INTS6: variants seen among roughly 807,000 people sequenced by gnomAD.
The protein encoded by INTS6 is DEAD box protein.
In INTS6, 16 loss-of-function variants were observed where a neutral mutation model predicts 104.9. The observed-to-expected ratio is 0.15, with a 90% CI of 0.10 to 0.23. The LOEUF (loss-of-function observed/expected upper bound fraction) is 0.23, where lower values mean the gene tolerates loss of function less well. Among genes scored for constraint, INTS6 ranks in the 10% least tolerant of loss-of-function variants. The pLI is 1.00. For synonymous variants in INTS6, 324 were observed against 358.7 expected (o/e 0.90, Z 1.09); for missense variants, 584 against 1,062.8 (o/e 0.55, Z 6.26).
downstream of INTS6, among the ~76,000 whole-genome samples, chr13:51,360,046 C>T (rs1162013111): frequency 6.6e-6 from 1 of 152,076 alleles, no homozygotes; most frequent in Non-Finnish European, 1.5e-5. Context: ...ATAGCCAACT[C>T]CCAACATCCT....
chr13:51,402,966 A>C (rs560748525), intron 4 of INTS6, among the ~76,000 whole-genome samples: 1 of 152,324 alleles, frequency 6.6e-6, no homozygotes, highest in African/African-American at 2.4e-5. Flanking sequence ...ACCTACCATA[A>C]ACACAGCACG....
At chr13:51,374,940 C>A in intron 13 of INTS6, 144 bp from the exon 14 acceptor site, 1 of 759,604 alleles carries the variant, frequency 1.3e-6, no homozygotes, top group Non-Finnish European at 2.0e-6. Flanking sequence ...GCAATTATAA[C>A]CACTGCGACA....
At chr13:51,359,394 T>C (rs1955527634), downstream of INTS6, among the ~76,000 whole-genome samples, 1 of 152,136 alleles carries the variant, frequency 6.6e-6, no homozygotes, top group East Asian at 1.9e-4. Flanking sequence ...AGATAAAATT[T>C]AAAAGATGCT....
chr13:51,451,004 C>T (rs781742097), intron 3 of INTS6, 21 bp downstream of exon 3: 31 of 1,474,916 alleles, frequency 2.1e-5, no homozygotes, highest in Non-Finnish European at 2.8e-5. Flanking sequence ...AACTATTTTG[C>T]CACCTTATTA....
chr13:51,379,874 C>A (rs542320018), intron 10 of INTS6, among the ~76,000 whole-genome samples: 1 of 152,166 alleles, frequency 6.6e-6, no homozygotes, highest in East Asian at 1.9e-4. Flanking sequence ...AAGACACATT[C>A]TAGAGGTAGC....
intron 4 of INTS6, among the ~76,000 whole-genome samples, chr13:51,405,630 T>A (rs1956547532): frequency 6.6e-6 from 1 of 152,078 alleles, no homozygotes; most frequent in African/African-American, 2.4e-5. Flanking sequence ...GTATTCAGAG[T>A]CTAAGTCTTA....
At chr13:51,436,323 T>TA (rs1261754912) in intron 3 of INTS6, 1 of 152,152 alleles carries the variant, frequency 6.6e-6, no homozygotes, top group African/African-American at 2.4e-5. Context: ...AAAAATCTGG[T>TA]AACAGAATAC....
chr13:51,423,535 G>A (rs1361380190), intron 4 of INTS6, among the ~76,000 whole-genome samples: 2 of 152,036 alleles, frequency 1.3e-5, no homozygotes, highest in Admixed American at 6.6e-5. Flanking sequence ...TCTAAGGAGA[G>A]TCCTCAATAT....
chr13:51,350,094 T>C (rs1955390056), downstream of INTS6, among the ~76,000 whole-genome samples: 1 of 152,192 alleles, frequency 6.6e-6, no homozygotes, highest in East Asian at 1.9e-4. Flanking sequence ...TCTTTTAGTA[T>C]GACTTGCTCT....
the INTS6 span, among the ~76,000 whole-genome samples, chr13:51,345,824 A>G: frequency 6.6e-6 from 1 of 152,230 alleles, no homozygotes; most frequent in African/African-American, 2.4e-5. Context: ...AGGCCAGAGA[A>G]GCAGCTCCCA....
At chr13:51,379,254 AATT>A (rs1222110925) in intron 11 of INTS6, among the ~76,000 whole-genome samples, 3 of 151,948 alleles carry the variant, frequency 2.0e-5, no homozygotes, top group Non-Finnish European at 2.9e-5. Flanking sequence ...ATAAATTAGG[AATT>A]ATTATATAAT....
At chr13:51,446,225 A>G (rs949598048) in intron 3 of INTS6, 1 of 152,232 alleles carries the variant, frequency 6.6e-6, no homozygotes, top group Non-Finnish European at 1.5e-5. Flanking sequence ...CAACAACAAA[A>G]AACAATTTTA....
intron 3 of INTS6, among the ~76,000 whole-genome samples, chr13:51,432,917 C>G (rs1349386215): frequency 6.6e-6 from 1 of 152,160 alleles, no homozygotes; most frequent in Non-Finnish European, 1.5e-5. Context: ...AACAATAAAT[C>G]TCTCTCTTGG....
intron 6 of INTS6, 101 bp downstream of exon 6, chr13:51,389,218 G>T: frequency 8.5e-7 from 1 of 1,170,472 alleles, no homozygotes; most frequent in Non-Finnish European, 1.2e-6. Flanking sequence ...TTAATAATTT[G>T]GCCTTGCCTA....
At chr13:51,420,775 C>T (rs1405890555) in intron 4 of INTS6, among the ~76,000 whole-genome samples, 1 of 138,472 alleles carries the variant, frequency 7.2e-6, no homozygotes, top group Non-Finnish European at 1.6e-5. Flanking sequence ...AAAAAAAAAA[C>T]TATCCATACT....
chr13:51,337,539 C>T, the INTS6 span, among the ~76,000 whole-genome samples: 1 of 152,172 alleles, frequency 6.6e-6, no homozygotes, highest in African/African-American at 2.4e-5. Flanking sequence ...GAGACCTCAT[C>T]CCTTGGCTCC....
intron 4 of INTS6, among the ~76,000 whole-genome samples, chr13:51,400,798 A>T (rs555342786): frequency 6.6e-6 from 1 of 152,294 alleles, no homozygotes; most frequent in East Asian, 1.9e-4. Flanking sequence ...GCAATTGTTG[A>T]TTACGGGAAG....
chr13:51,399,821 C>T (rs1250682615), intron 4 of INTS6, among the ~76,000 whole-genome samples: 2 of 152,176 alleles, frequency 1.3e-5, no homozygotes, highest in African/African-American at 2.4e-5. Context: ...TTTCAACGTG[C>T]TCTTTTGTGA....
Position 51,369,094 on chromosome 13 carries a change from T to C in INTS6, c.2321A>G (p.His774Arg), listed in dbSNP as rs1438439234. The C allele has an allele frequency of 2.5e-6, 4 of 1,613,898 alleles. No individual in the cohort carries two copies. Among genetic ancestry groups the C allele is most frequent in the Non-Finnish European group, 3.4e-6 (4 of 1,179,832 alleles). Residue 774 changes from histidine to arginine, a missense_variant, in exon 16 of 18, where the codon CAT (histidine) becomes CGT (arginine). By Grantham distance (29) the His-to-Arg change is conservative (BLOSUM62 0). This residue lies in a region of INTS6 where 296 missense variants were observed against 437.0 expected (regional missense o/e 0.68). Transcript: ENST00000311234. ...TTGTTCTTTATCTCTTGGCTCCTCA[T>C]GATTTTCTAAAAATCCACCAACAGT... ...DLTVGGFLEN[H>R]EEPRDKEQCA...
Sources: allele counts gnomAD v4.1 joint callset (sites outside exome capture counted in the v4.1 genomes callset), GRCh38; gene constraint gnomAD v4.1.1; regional missense constraint gnomAD v4.1.1; transcripts MANE v1.5; gene names NCBI Gene and HGNC (gene_info 2026-07-23, HGNC 2026-07-21).